FMNL2: variants seen among roughly 807,000 people sequenced by gnomAD.
The protein encoded by FMNL2 is formin-like protein 2.
Under a neutral mutation model 130.2 loss-of-function variants are expected in FMNL2, and 51 were observed. That is an observed-to-expected ratio of 0.39 (90% CI 0.31 to 0.49). The LOEUF is 0.49. FMNL2 is among the 20% of genes least tolerant of loss of function. The pLI, the probability that FMNL2 is intolerant of heterozygous loss-of-function variation, is 0.85. For synonymous variants in FMNL2, 465 were observed against 467.1 expected, an observed-to-expected ratio of 1.00 and a Z score of 0.06; for missense variants, 977 against 1,316.2, an observed-to-expected ratio of 0.74 and a Z score of 3.99.
chr2:152,481,937 TC>T (rs1357102817), intron 1 of FMNL2, among the ~76,000 whole-genome samples: 1 of 152,188 alleles, frequency 6.6e-6, no homozygotes, highest in Non-Finnish European at 1.5e-5. Flanking sequence ...CAAAGTTGCC[TC>T]TTAAATCACA....
At chr2:152,531,334 A>G (rs1238973825) in intron 2 of FMNL2, among the ~76,000 whole-genome samples, 2 of 152,130 alleles carry the variant, frequency 1.3e-5, no homozygotes, top group African/African-American at 4.8e-5. Flanking sequence ...GTTTGGCTTA[A>G]TGATTGATTT....
At chr2:152,572,175 C>G (rs1696207002) in intron 6 of FMNL2, among the ~76,000 whole-genome samples, 1 of 152,062 alleles carries the variant, frequency 6.6e-6, no homozygotes. Context: ...GACCAGCTCT[C>G]CATCTAAAAA....
chr2:152,522,639 C>T (rs1336159762), intron 2 of FMNL2, among the ~76,000 whole-genome samples: 1 of 152,128 alleles, frequency 6.6e-6, no homozygotes, highest in Non-Finnish European at 1.5e-5. Flanking sequence ...GGGGGCGTTT[C>T]CCTGCACAAA....
intron 10 of FMNL2, among the ~76,000 whole-genome samples, chr2:152,608,220 T>C (rs1698480927): frequency 6.6e-6 from 1 of 152,112 alleles, no homozygotes; most frequent in African/African-American, 2.4e-5. Context: ...CCCAGATCAC[T>C]TCTAACCTGA....
chr2:152,617,442 C>T (rs1001904199), intron 13 of FMNL2, among the ~76,000 whole-genome samples: 2 of 152,204 alleles, frequency 1.3e-5, no homozygotes, highest in Admixed American at 6.5e-5. Flanking sequence ...ACAGTGTTTT[C>T]CCATCTGGAG....
intron 1 of FMNL2, among the ~76,000 whole-genome samples, chr2:152,412,967 AT>A (rs1686402987): frequency 6.6e-6 from 1 of 152,220 alleles, no homozygotes; most frequent in African/African-American, 2.4e-5. Context: ...CTGTTGAACC[AT>A]TAACCCCAGG....
At chr2:152,448,937 C>A (rs1688496440) in intron 1 of FMNL2, among the ~76,000 whole-genome samples, 1 of 152,180 alleles carries the variant, frequency 6.6e-6, no homozygotes. Flanking sequence ...TTAAGCCATG[C>A]ACTTTGTGTT....
chr2:152,485,740 A>C (rs1690787700), intron 1 of FMNL2, among the ~76,000 whole-genome samples: 1 of 152,192 alleles, frequency 6.6e-6, no homozygotes. Flanking sequence ...ATTCTCCTTG[A>C]AGAAGGGTAT....
chr2:152,373,612 A>G (rs1400979883), intron 1 of FMNL2, among the ~76,000 whole-genome samples: 1 of 152,234 alleles, frequency 6.6e-6, no homozygotes, highest in Non-Finnish European at 1.5e-5. Context: ...TAGATTATCT[A>G]TAATTCCTAA....
chr2:152,593,517 T>C (rs1387065066), intron 9 of FMNL2, among the ~76,000 whole-genome samples: 1 of 152,114 alleles, frequency 6.6e-6, no homozygotes. Flanking sequence ...TGACTCAGCC[T>C]TGGACCCAGT....
Position 152,385,671 on chromosome 2 carries a change from T to A in FMNL2, c.117+49951T>A, listed in dbSNP as rs540073190. On this transcript the variant is annotated intron_variant, in intron 1 of 25. Transcript: ENST00000288670. ...AGGGGCAAAGTTGCATTCAACTGATTTGGTCTCTGCAGAAGTTTGCCATAG... is the reference window on the plus strand; with the variant it reads ...AGGGGCAAAGTTGCATTCAACTGATATGGTCTCTGCAGAAGTTTGCCATAG... 7.9e-5 allele frequency among the ~76,000 whole-genome samples: 12 copies of A among 152,338 alleles called. No homozygotes were observed. In the South Asian group the frequency reaches 2.3e-3, roughly 29 times the overall value.
At chr2:152,519,973 C>A (rs1292012483) in intron 1 of FMNL2, among the ~76,000 whole-genome samples, 1 of 152,196 alleles carries the variant, frequency 6.6e-6, no homozygotes, top group Non-Finnish European at 1.5e-5. Flanking sequence ...AAACCTCCTT[C>A]TCTGGAGTGC....
At chr2:152,528,808 A>G (rs1479936673) in intron 2 of FMNL2, among the ~76,000 whole-genome samples, 2 of 152,156 alleles carry the variant, frequency 1.3e-5, no homozygotes, top group African/African-American at 2.4e-5. Flanking sequence ...ATTGTTGGCC[A>G]TTGGGGGTCA....
At chr2:152,468,057 C>T (rs1462106823) in intron 1 of FMNL2, among the ~76,000 whole-genome samples, 1 of 152,196 alleles carries the variant, frequency 6.6e-6, no homozygotes, top group Admixed American at 6.5e-5. Flanking sequence ...TCCTAAGTTG[C>T]TAAGGCAAAT....
At chr2:152,497,888 C>G (rs931924874) in intron 1 of FMNL2, among the ~76,000 whole-genome samples, 1 of 152,174 alleles carries the variant, frequency 6.6e-6, no homozygotes, top group African/African-American at 2.4e-5. Flanking sequence ...CTTTTCCAAG[C>G]TAACTGGTTG....
intron 1 of FMNL2, among the ~76,000 whole-genome samples, chr2:152,355,596 G>A (rs1277769235): frequency 1.3e-5 from 2 of 152,200 alleles, no homozygotes; most frequent in Non-Finnish European, 2.9e-5. Flanking sequence ...CAGCAGATAT[G>A]CAGGGTGCAT....
At chr2:152,510,372 G>A (rs530530368) in intron 1 of FMNL2, among the ~76,000 whole-genome samples, 1 of 152,188 alleles carries the variant, frequency 6.6e-6, no homozygotes, top group Non-Finnish European at 1.5e-5. Flanking sequence ...GGGACTTGGA[G>A]TTTTGTAAGG....
chr2:152,579,831 A>G (rs866975807), intron 8 of FMNL2, among the ~76,000 whole-genome samples: 9 of 152,364 alleles, frequency 5.9e-5, no homozygotes, highest in Middle Eastern at 3.4e-3. Flanking sequence ...GTCTTCATCA[A>G]TTGTAGTTAT....
chr2:152,417,381 C>G (rs1051764699), intron 1 of FMNL2, among the ~76,000 whole-genome samples: 2 of 152,146 alleles, frequency 1.3e-5, no homozygotes, highest in African/African-American at 4.8e-5. Context: ...AGAGAAAATT[C>G]CTTGGCTTTC....
Sources: allele counts gnomAD v4.1 joint callset (sites outside exome capture counted in the v4.1 genomes callset), GRCh38; gene constraint gnomAD v4.1.1; transcripts MANE v1.5; gene names NCBI Gene and HGNC (gene_info 2026-07-23, HGNC 2026-07-21).